HLTF: variants seen among roughly 807,000 people sequenced by gnomAD.
The protein encoded by HLTF is DNA-dependent ATPase/E3 ubiquitin-protein ligase HLTF.
HLTF carries 127 observed loss-of-function variants against 129.4 expected under a neutral mutation model. The observed-to-expected ratio is 0.98, with a 90% CI of 0.85 to 1.14. The LOEUF is 1.14. Among genes scored for constraint, HLTF ranks in the 50% most tolerant of loss-of-function variants. HLTF has a pLI of 0.00. For missense variants in HLTF, 1,139 were observed against 1,187.1 expected, an observed-to-expected ratio of 0.96 and a Z score of 0.60; for synonymous variants, 332 against 388.8, an observed-to-expected ratio of 0.85 and a Z score of 1.72.
At chr3:149,044,698 T>C (rs1381463094) in intron 18 of HLTF, among the ~76,000 whole-genome samples, 1 of 152,168 alleles carries the variant, frequency 6.6e-6, no homozygotes, top group Non-Finnish European at 1.5e-5. Context: ...GCTCTTCCCA[T>C]AGACCTGTCT....
intron 5 of HLTF, among the ~76,000 whole-genome samples, chr3:149,072,271 A>G (rs907560936): frequency 2.0e-5 from 3 of 152,148 alleles, no homozygotes; most frequent in Admixed American, 1.3e-4. Flanking sequence ...TTTCAGCAAG[A>G]CTTGACCTTT....
chr3:149,043,819 G>C (rs1352251687), intron 18 of HLTF, among the ~76,000 whole-genome samples: 1 of 152,088 alleles, frequency 6.6e-6, no homozygotes, highest in African/African-American at 2.4e-5. Flanking sequence ...CCTATGTCTT[G>C]AGCTTCCTCA....
intron 10 of HLTF, among the ~76,000 whole-genome samples, chr3:149,061,156 T>C (rs893007563): frequency 1.3e-5 from 2 of 152,134 alleles, no homozygotes; most frequent in African/African-American, 2.4e-5. Context: ...TGCAACCTCA[T>C]ACTCCTGGGC....
In HLTF at chr3:149,039,571, T is replaced by C. The variant is rs771452091; in HGVS notation, c.2615+10A>G. Reference sequence around the variant, plus strand: ...CTTTTACTGAAAGTGAAAAACACTGTGGAACTTACTTAAGTGGTATTTCTA... The same window carrying C: ...CTTTTACTGAAAGTGAAAAACACTGCGGAACTTACTTAAGTGGTATTTCTA... On this transcript the variant is annotated intron_variant, in intron 22 of 24. Coordinates refer to ENST00000310053, the MANE Select transcript of HLTF (RefSeq NM_003071.4). The C allele has an allele frequency of 8.8e-6, 11 of 1,245,804 alleles. No individual in the cohort carries two copies. Among genetic ancestry groups the C allele is most frequent in the Non-Finnish European group, 1.3e-5 (11 of 864,790 alleles). The allele number at this position is 1,245,804 out of a possible 1,614,324, so 77.2% of individuals were successfully genotyped here. A position where few individuals can be genotyped will look rare whatever the true frequency, so the allele number is the denominator to read the frequency against.
At chr3:149,073,184 T>A in intron 5 of HLTF, 41 bp downstream of exon 5, 1 of 1,383,402 alleles carries the variant, frequency 7.2e-7, no homozygotes, top group Non-Finnish European at 1.0e-6. Flanking sequence ...CTGCAACATT[T>A]AAAATTCACT....
intron 22 of HLTF, 21 bp downstream of exon 22, chr3:149,039,560 G>T: frequency 1.7e-6 from 2 of 1,147,844 alleles, no homozygotes; most frequent in Non-Finnish European, 2.5e-6. Flanking sequence ...TACTGAAAGT[G>T]AAAAACACTG....
At chr3:149,034,595 A>T (rs929833316) in intron 24 of HLTF, among the ~76,000 whole-genome samples, 10 of 152,170 alleles carry the variant, frequency 6.6e-5, no homozygotes, top group Non-Finnish European at 1.3e-4. Context: ...ACCACTATTT[A>T]AAAAAAGTGT....
rs766771675 is a variant in HLTF, at chr3:149,046,273, A to G, written c.1893-14T>C. On this transcript the variant is annotated splice_polypyrimidine_tract_variant and intron_variant, in intron 17 of 24. Transcript: ENST00000310053. ...GACTGTAAACGCCTAATCAGAATAA[A>G]ACAAATAATTATGTAACTTTTAATT... The G allele has an allele frequency of 4.9e-5, 66 of 1,340,694 alleles. No individual in the cohort carries two copies. In the South Asian group the frequency reaches 6.0e-4, roughly 12 times the overall value. The allele number at this position is 1,340,694 out of a possible 1,614,324, so 83.0% of individuals were successfully genotyped here. A position where few individuals can be genotyped will look rare whatever the true frequency, so the allele number is the denominator to read the frequency against.
At chr3:149,071,153 G>A (rs1365925139) in intron 7 of HLTF, 99 bp downstream of exon 7, 3 of 700,764 alleles carry the variant, frequency 4.3e-6, no homozygotes, top group Non-Finnish European at 6.9e-6. Flanking sequence ...GTCCCAAACT[G>A]GTACCAACAT....
chr3:149,052,974 G>A (rs1361979713), intron 14 of HLTF, among the ~76,000 whole-genome samples: 2 of 152,170 alleles, frequency 1.3e-5, no homozygotes, highest in Admixed American at 1.3e-4. Flanking sequence ...AATAGAAAAC[G>A]AAATAGGTGT....
chr3:149,067,885 T>TA, intron 8 of HLTF, among the ~76,000 whole-genome samples: 1 of 152,280 alleles, frequency 6.6e-6, no homozygotes, highest in South Asian at 2.1e-4. Flanking sequence ...GGCTCACACC[T>TA]ATAGCCCCAG....
Position 149,071,306 on chromosome 3 carries a change from C to T in HLTF, c.840G>A (p.Glu280=). ...CATGGACATTTTCTGGTCGGTCCTTCTCAGAAAAATTTGTTATTGTGTTAT... is the reference window on the plus strand; with the variant it reads ...CATGGACATTTTCTGGTCGGTCCTTTTCAGAAAAATTTGTTATTGTGTTAT... ...LYYNTITNFS[E]KDRPENVHGG... is the part of the protein sequence containing the mutation. Residue 280 remains glutamate (E), a synonymous_variant, in exon 7 of 25, where the codon GAG becomes GAA. Coordinates refer to ENST00000310053, the MANE Select transcript of HLTF (RefSeq NM_003071.4). 1.2e-6 allele frequency: 2 copies of T among 1,610,108 alleles called. No individual in the cohort carries two copies. The highest frequency in any genetic ancestry group is 1.7e-6 in the Non-Finnish European group (2 of 1,178,108).
intron 17 of HLTF, 148 bp from the exon 18 acceptor site, chr3:149,046,407 T>C: frequency 1.9e-6 from 1 of 517,854 alleles, no homozygotes; most frequent in Non-Finnish European, 3.3e-6. Context: ...TTTTAACCAA[T>C]CTGATAATCA....
chr3:149,047,627 G>A (rs915365541), intron 17 of HLTF, among the ~76,000 whole-genome samples: 1 of 152,080 alleles, frequency 6.6e-6, no homozygotes, highest in Non-Finnish European at 1.5e-5. Context: ...GGACGACAGA[G>A]CAAGACTCCA....
chr3:149,058,865 G>A (rs1717688764), intron 13 of HLTF, among the ~76,000 whole-genome samples: 1 of 152,162 alleles, frequency 6.6e-6, no homozygotes, highest in African/African-American at 2.4e-5. Flanking sequence ...AACTGAAAGT[G>A]GTTTCTAATG....
chr3:149,055,560 T>G (rs1402925942), intron 13 of HLTF, among the ~76,000 whole-genome samples, 160 bp from the exon 14 acceptor site: 8 of 152,106 alleles, frequency 5.3e-5, no homozygotes, highest in African/African-American at 1.9e-4. Flanking sequence ...CCTCATCACT[T>G]AAAAAAACTA....
At chr3:149,083,910 C>T (rs985621327) in intron 2 of HLTF, among the ~76,000 whole-genome samples, 1 of 143,390 alleles carries the variant, frequency 7.0e-6, no homozygotes, top group Admixed American at 7.1e-5. Context: ...CAAAACGAAA[C>T]TTGGTCTCAA....
At chr3:149,039,260 A>C (rs1715911511) in intron 22 of HLTF, 31 bp from the exon 23 acceptor site, 17 of 1,401,028 alleles carry the variant, frequency 1.2e-5, no homozygotes, top group South Asian at 1.6e-5. Context: ...GACAAGTAAC[A>C]AACACTATTA....
At chr3:149,036,001 G>A (rs868119364) in intron 23 of HLTF, among the ~76,000 whole-genome samples, 6 of 151,748 alleles carry the variant, frequency 4.0e-5, no homozygotes, top group Middle Eastern at 3.4e-3. Flanking sequence ...CGGGCGTGGT[G>A]GCAGGCGCCT....
Sources: gnomAD v4.1 joint callset for allele counts (sites outside exome capture counted in the v4.1 genomes callset) on GRCh38, gnomAD v4.1.1 for gene constraint, MANE v1.5 for transcripts, NCBI Gene and HGNC (gene_info 2026-07-23, HGNC 2026-07-21) for gene names.